Variants in ULK4 observed in about 807,000 individuals in gnomAD.
ULK4 encodes unc-51 like kinase 4.
ULK4 carries 133 observed loss-of-function variants against 160.6 expected under a neutral mutation model. That is an observed-to-expected ratio of 0.83 (90% CI 0.72 to 0.96). The LOEUF is 0.96. ULK4 is among the 40% of genes least tolerant of loss of function. The probability of loss-of-function intolerance (pLI) is 0.00; values close to 1 mark genes in which losing one functional copy is unlikely to be tolerated. For synonymous variants in ULK4, 534 were observed against 539.8 expected, an observed-to-expected ratio of 0.99 and a Z score of 0.15; for missense variants, 1,580 against 1,499.5, an observed-to-expected ratio of 1.05 and a Z score of -0.89.
At chr3:41,905,344 T>C (rs144425054) in intron 12 of ULK4, among the ~76,000 whole-genome samples, 15 of 152,164 alleles carry the variant, frequency 9.9e-5, no homozygotes, top group African/African-American at 3.4e-4. Flanking sequence ...ATGGATAAAA[T>C]AGCTAAATCT....
chr3:41,404,887 G>T (rs1480517078), intron 34 of ULK4, among the ~76,000 whole-genome samples: 1 of 152,146 alleles, frequency 6.6e-6, no homozygotes, highest in African/African-American at 2.4e-5. Context: ...ATACATTTCT[G>T]TTCATTATAA....
At chr3:41,806,964 G>A (rs1447409165) in intron 19 of ULK4, among the ~76,000 whole-genome samples, 1 of 151,816 alleles carries the variant, frequency 6.6e-6, no homozygotes, top group African/African-American at 2.4e-5. Context: ...CCTGGGATAC[G>A]TGGCAAAACC....
At chr3:41,657,834 A>AAAAAAAAAAAAAAAAAAAAAAAC (rs1553628520) in intron 30 of ULK4, among the ~76,000 whole-genome samples, 1 of 149,964 alleles carries the variant, frequency 6.7e-6, no homozygotes, top group African/African-American at 2.5e-5. Flanking sequence ...AAAAAAAAAA[A>AAAAAAAAAAAAAAAAAAAAAAAC]ACACACACCA....
At chr3:41,824,164 A>T (rs199702161) in intron 18 of ULK4, among the ~76,000 whole-genome samples, 135 of 71,112 alleles carry the variant, frequency 1.9e-3, no homozygotes, top group African/African-American at 4.2e-3. Flanking sequence ...CTCTATCTTT[A>T]AAAAAAAAAA....
At chr3:41,806,708 G>C (rs1165755466) in intron 19 of ULK4, among the ~76,000 whole-genome samples, 33 of 152,006 alleles carry the variant, frequency 2.2e-4, no homozygotes, top group Non-Finnish European at 3.7e-4. Flanking sequence ...TGGTTTCAAA[G>C]AACATCTTTA....
At chr3:41,258,498 CT>C (rs1400334471) in intron 35 of ULK4, 1 of 152,106 alleles carries the variant, frequency 6.6e-6, no homozygotes, top group Non-Finnish European at 1.5e-5. Flanking sequence ...AGCACAATAC[CT>C]TCTTCCCAAA....
At chr3:41,885,233 C>G (rs2148772797) in intron 16 of ULK4, among the ~76,000 whole-genome samples, 2 of 152,228 alleles carry the variant, frequency 1.3e-5, no homozygotes, top group African/African-American at 4.8e-5. Context: ...TATTGGCTAC[C>G]AGATTTATTC....
chr3:41,434,694 C>T (rs1170805918), intron 34 of ULK4, among the ~76,000 whole-genome samples: 3 of 152,222 alleles, frequency 2.0e-5, no homozygotes, highest in East Asian at 1.9e-4. Context: ...GGGGCAAATC[C>T]GCCCATAATC....
intron 35 of ULK4, among the ~76,000 whole-genome samples, chr3:41,349,087 C>T (rs2080861792): frequency 6.6e-6 from 1 of 152,166 alleles, no homozygotes; most frequent in Non-Finnish European, 1.5e-5. Flanking sequence ...GTGATGCATT[C>T]TGAGCACATC....
intron 17 of ULK4, among the ~76,000 whole-genome samples, chr3:41,849,815 G>A (rs975619671): frequency 6.6e-6 from 1 of 151,978 alleles, no homozygotes; most frequent in African/African-American, 2.4e-5. Context: ...TTTTTTTAAA[G>A]AATTTTTATT....
At chr3:41,785,805 T>A (rs758391442) in intron 21 of ULK4, among the ~76,000 whole-genome samples, 2 of 152,120 alleles carry the variant, frequency 1.3e-5, no homozygotes, top group African/African-American at 2.4e-5. Context: ...AAGGCCAATA[T>A]CATGACCCTA....
chr3:41,818,314 T>C (rs2041035585), intron 19 of ULK4, among the ~76,000 whole-genome samples: 1 of 152,170 alleles, frequency 6.6e-6, no homozygotes, highest in Non-Finnish European at 1.5e-5. Flanking sequence ...TCTCTCTCCC[T>C]TGAGTTCCTA....
At chr3:41,819,329 A>G (rs1575762841) in intron 19 of ULK4, 94 bp downstream of exon 19, 1 of 1,143,154 alleles carries the variant, frequency 8.7e-7, no homozygotes, top group African/African-American at 1.6e-5. Context: ...TTGGTTGACA[A>G]GCTCCTGCAC....
chr3:41,265,593 T>C (rs1290811166), intron 35 of ULK4, among the ~76,000 whole-genome samples: 1 of 152,220 alleles, frequency 6.6e-6, no homozygotes, highest in Non-Finnish European at 1.5e-5. Flanking sequence ...TGATATTGAC[T>C]ACTGGACAGC....
intron 36 of ULK4, among the ~76,000 whole-genome samples, chr3:41,247,241 C>A (rs2078662794): frequency 6.6e-6 from 1 of 152,174 alleles, no homozygotes; most frequent in African/African-American, 2.4e-5. Context: ...CCACCTCTGC[C>A]AGAAACACTG....
At chr3:41,937,180 G>A (rs1699800658) in intron 3 of ULK4, 2 of 458,954 alleles carry the variant, frequency 4.4e-6, no homozygotes, top group Non-Finnish European at 7.8e-6. Context: ...TGTTTTGGTG[G>A]GTGACGTGCA....
intron 35 of ULK4, among the ~76,000 whole-genome samples, chr3:41,315,198 A>G (rs1352982463): frequency 6.6e-6 from 1 of 152,104 alleles, no homozygotes; most frequent in Non-Finnish European, 1.5e-5. Context: ...ATCTGCTGGG[A>G]TATATTATTT....
chr3:41,683,149 C>G lies in ULK4; in HGVS notation c.2782-1345G>C, dbSNP rs145996629. On this transcript the variant is annotated intron_variant, in intron 27 of 36. Coordinates refer to ENST00000301831, the MANE Select transcript of ULK4 (RefSeq NM_017886.4). ...GATGCCATACCCGCTAACCCCAAGG[C>G]TTTAGTCATGCTATATTGTTCCACT... is the stretch of plus-strand genomic sequence containing the variant. Among the ~76,000 whole-genome samples the G allele has an allele frequency of 6.0e-4, 92 of 152,206 alleles. 3 individuals are homozygous for G. In the East Asian group the frequency reaches 0.016, roughly 27 times the overall value.
intron 32 of ULK4, among the ~76,000 whole-genome samples, chr3:41,525,291 T>C (rs1350324811): frequency 1.3e-5 from 2 of 152,226 alleles, no homozygotes; most frequent in Non-Finnish European, 2.9e-5. Flanking sequence ...TATTAATCTT[T>C]AGCATTACCC....
Sources: gnomAD v4.1 joint callset for allele counts (sites outside exome capture counted in the v4.1 genomes callset) on GRCh38, gnomAD v4.1.1 for gene constraint, MANE v1.5 for transcripts, NCBI Gene and HGNC (gene_info 2026-07-23, HGNC 2026-07-21) for gene names.